The following LRMDA variants were observed in gnomAD, a reference collection of about 807,000 sequenced individuals.
The protein encoded by LRMDA is leucine rich melanocyte differentiation associated.
LRMDA carries 18 observed loss-of-function variants against 29.8 expected under a neutral mutation model. The ratio of observed to expected loss-of-function variants is 0.60; its 90% confidence interval spans 0.42 to 0.90. The LOEUF is 0.90. Among genes scored for constraint, LRMDA ranks in the 40% least tolerant of loss-of-function variants. LRMDA has a pLI of 0.00. For synonymous variants in LRMDA, 125 were observed against 109.4 expected (o/e 1.14, Z -0.89); for missense variants, 273 against 273.9 (o/e 1.00, Z 0.02).
At chr10:75,725,148 A>G (rs898314568) in intron 2 of LRMDA, among the ~76,000 whole-genome samples, 1 of 152,212 alleles carries the variant, frequency 6.6e-6, no homozygotes, top group Non-Finnish European at 1.5e-5. Flanking sequence ...CTAAATATTT[A>G]TAGAATTTTT....
At chr10:76,199,013 C>T (rs1851380317) in intron 5 of LRMDA, among the ~76,000 whole-genome samples, 1 of 152,036 alleles carries the variant, frequency 6.6e-6, no homozygotes, top group African/African-American at 2.4e-5. Flanking sequence ...GGAATATCTT[C>T]ATTCACAGCC....
chr10:75,800,978 TC>T lies in LRMDA; in HGVS notation c.132-235029del, dbSNP rs532043488. On this transcript the variant is annotated intron_variant, in intron 2 of 6. Transcript: ENST00000611255. ...AGCTCTGTTTCAATTTTGCAATTGA[TC>T]TTAGTGTAAATTTGTAATCCTAAGG... Among the ~76,000 whole-genome samples the T allele has an allele frequency of 4.6e-5, 7 of 152,344 alleles. No homozygotes were observed. The East Asian group carries it at 1.3e-3, about 29-fold the overall frequency.
chr10:75,500,190 TCCAGTGAC>T (rs1845095656), intron 2 of LRMDA, among the ~76,000 whole-genome samples: 1 of 152,160 alleles, frequency 6.6e-6, no homozygotes, highest in Non-Finnish European at 1.5e-5. Context: ...ACAGGAGTCT[TCCAGTGAC>T]ACCCAGACCT....
chr10:75,857,868 G>A (rs926441038), intron 2 of LRMDA, among the ~76,000 whole-genome samples: 4 of 152,178 alleles, frequency 2.6e-5, no homozygotes, highest in African/African-American at 7.2e-5. Context: ...GCTGTCTTTC[G>A]CTAATGCTGC....
intron 2 of LRMDA, among the ~76,000 whole-genome samples, chr10:75,682,344 G>C (rs1322791909): frequency 1.3e-5 from 2 of 152,158 alleles, no homozygotes; most frequent in Admixed American, 1.3e-4. Flanking sequence ...TTGTAGAACA[G>C]TTAAATAAAA....
intron 6 of LRMDA, among the ~76,000 whole-genome samples, chr10:76,356,137 A>G (rs1180446102): frequency 6.6e-6 from 1 of 152,232 alleles, no homozygotes; most frequent in Admixed American, 6.5e-5. Context: ...GAGGACAGGT[A>G]TAACTGGACA....
chr10:76,373,346 G>T (rs1429004429), intron 6 of LRMDA, among the ~76,000 whole-genome samples: 2 of 152,036 alleles, frequency 1.3e-5, no homozygotes, highest in Admixed American at 6.6e-5. Flanking sequence ...TAATGAGTAG[G>T]CTTGTTGCCT....
intron 2 of LRMDA, among the ~76,000 whole-genome samples, chr10:75,505,210 G>A (rs1845157442): frequency 1.3e-5 from 2 of 152,216 alleles, no homozygotes; most frequent in African/African-American, 4.8e-5. Context: ...CAGTCCAAGT[G>A]TAAGCACTCC....
intron 5 of LRMDA, among the ~76,000 whole-genome samples, chr10:76,227,214 G>A (rs899885552): frequency 6.6e-6 from 1 of 152,180 alleles, no homozygotes; most frequent in African/African-American, 2.4e-5. Flanking sequence ...CTTGTTTACT[G>A]TGTTCCTCCT....
chr10:75,997,467 A>ATTT (rs11314151), intron 2 of LRMDA, among the ~76,000 whole-genome samples: 6 of 141,928 alleles, frequency 4.2e-5, no homozygotes, highest in Admixed American at 7.0e-5. Flanking sequence ...ACATACATCT[A>ATTT]TTTTTTTTTT....
chr10:76,128,165 G>A (rs570975291), intron 5 of LRMDA, among the ~76,000 whole-genome samples: 3 of 152,306 alleles, frequency 2.0e-5, no homozygotes, highest in African/African-American at 7.2e-5. Flanking sequence ...GTTCTAGATG[G>A]TAACAGGAAA....
intron 2 of LRMDA, among the ~76,000 whole-genome samples, chr10:75,926,507 C>A (rs1846122084): frequency 6.6e-6 from 1 of 152,210 alleles, no homozygotes; most frequent in South Asian, 2.1e-4. Context: ...TTCCTAGAAC[C>A]TAGCTGGAGA....
rs528775583 is a variant in LRMDA, at chr10:76,400,595, C to T, written c.601+76110C>T. Among the ~76,000 whole-genome samples, 4 of 152,308 alleles carry T rather than the reference C, an allele frequency of 2.6e-5. No homozygotes were observed. In the South Asian group the frequency reaches 6.2e-4, roughly 24 times the overall value. Reference sequence around the variant, plus strand: ...CTGTTTTCCAATTCTCCTTCCTGAGCACAATTACCTCTGTACTGTTCATAT... The same window carrying T: ...CTGTTTTCCAATTCTCCTTCCTGAGTACAATTACCTCTGTACTGTTCATAT... On this transcript the variant is annotated intron_variant, in intron 6 of 6. Transcript: ENST00000611255.
At chr10:75,872,010 C>T (rs1845119819) in intron 2 of LRMDA, among the ~76,000 whole-genome samples, 1 of 152,330 alleles carries the variant, frequency 6.6e-6, no homozygotes, top group Middle Eastern at 3.4e-3. Context: ...AGGCATTCCT[C>T]CTCCTCATTG....
At chr10:76,065,904 C>A (rs751680673) in intron 5 of LRMDA, among the ~76,000 whole-genome samples, 1 of 152,214 alleles carries the variant, frequency 6.6e-6, no homozygotes, top group African/African-American at 2.4e-5. Flanking sequence ...ACTCACTGCT[C>A]GCACACGTCT....
chr10:76,555,095 CT>C (rs1053712416), intron 6 of LRMDA, among the ~76,000 whole-genome samples: 4 of 152,124 alleles, frequency 2.6e-5, no homozygotes, highest in African/African-American at 7.2e-5. Flanking sequence ...AGGAAGCCCT[CT>C]GTGGATACCT....
intron 6 of LRMDA, among the ~76,000 whole-genome samples, chr10:76,335,138 G>A (rs547449228): frequency 6.6e-6 from 1 of 152,256 alleles, no homozygotes; most frequent in South Asian, 2.1e-4. Context: ...AGTAGGGGGT[G>A]GATCATTTAA....
chr10:75,873,205 A>C (rs1229978229), intron 2 of LRMDA, among the ~76,000 whole-genome samples: 2 of 152,188 alleles, frequency 1.3e-5, no homozygotes, highest in Non-Finnish European at 2.9e-5. Flanking sequence ...TAAGAATGCC[A>C]TTTCAATTAT....
At chr10:76,360,715 A>G (rs925617662) in intron 6 of LRMDA, among the ~76,000 whole-genome samples, 2 of 152,170 alleles carry the variant, frequency 1.3e-5, no homozygotes, top group African/African-American at 4.8e-5. Flanking sequence ...AATTTCTCAC[A>G]GGACATATTT....
Sources: gnomAD v4.1 joint callset for allele counts (sites outside exome capture counted in the v4.1 genomes callset) on GRCh38, gnomAD v4.1.1 for gene constraint, MANE v1.5 for transcripts, NCBI Gene and HGNC (gene_info 2026-07-23, HGNC 2026-07-21) for gene names.